The following CKAP5 variants were observed in gnomAD, a reference collection of about 807,000 sequenced individuals.
CKAP5 encodes the protein cytoskeleton-associated protein 5.
In CKAP5, 27 loss-of-function variants were observed where a neutral mutation model predicts 232.8. That is an observed-to-expected ratio of 0.12 (90% CI 0.09 to 0.16). The LOEUF (loss-of-function observed/expected upper bound fraction) is 0.16. Among genes scored for constraint, CKAP5 ranks in the 10% least tolerant of loss-of-function variants. The pLI, the probability that CKAP5 is intolerant of heterozygous loss-of-function variation, is 1.00. For synonymous variants in CKAP5, 785 were observed against 841.1 expected (o/e 0.93, Z 1.16); for missense variants, 1,838 against 2,424.7 (o/e 0.76, Z 5.08).
chr11:46,784,751 C>A, intron 16 of CKAP5, 78 bp from the exon 17 acceptor site: 2 of 1,022,498 alleles, frequency 2.0e-6, no homozygotes, highest in Admixed American at 2.2e-5. Flanking sequence ...CAGCATGTAA[C>A]AGATATGACA....
At chr11:46,786,002 A>T (rs80216121) in intron 16 of CKAP5, among the ~76,000 whole-genome samples, 2,972 of 151,078 alleles carry the variant, frequency 0.02, 97 homozygotes, top group African/African-American at 0.068. Context: ...TTAAAAAATT[A>T]AAAAAAAAAT....
At chr11:46,785,070 A>G (rs1158518985) in intron 16 of CKAP5, among the ~76,000 whole-genome samples, 14 of 152,194 alleles carry the variant, frequency 9.2e-5, no homozygotes, top group Non-Finnish European at 1.9e-4. Flanking sequence ...GCTGCCTACA[A>G]AAACACTACA....
chr11:46,779,422 C>T (rs1173546461), intron 20 of CKAP5, among the ~76,000 whole-genome samples: 1 of 151,940 alleles, frequency 6.6e-6, no homozygotes, highest in African/African-American at 2.4e-5. Context: ...CGTGAGCCAC[C>T]AAGCCCGGCC....
At chr11:46,831,861 CTTTTTTTTT>C (rs71042624) in intron 1 of CKAP5, among the ~76,000 whole-genome samples, 2 of 119,056 alleles carry the variant, frequency 1.7e-5, no homozygotes, top group African/African-American at 6.6e-5. Flanking sequence ...TAAACTTATC[CTTTTTTTTT>C]TTTTTTTTTT....
At chr11:46,784,373 C>T (rs779501035) in intron 17 of CKAP5, 115 bp downstream of exon 17, 2 of 814,952 alleles carry the variant, frequency 2.5e-6, no homozygotes, top group Non-Finnish European at 3.9e-6. Context: ...AAAAAAAATG[C>T]AGTATCAAAA....
At chr11:46,817,036 G>A (rs1307810279) in intron 3 of CKAP5, among the ~76,000 whole-genome samples, 7 of 151,770 alleles carry the variant, frequency 4.6e-5, no homozygotes, top group African/African-American at 1.7e-4. Context: ...AACCTGGGAG[G>A]TGGAGGTTGT....
rs1347001323 is a variant in CKAP5, at chr11:46,790,552, G to A, written c.1682C>T (p.Ala561Val). ...AGGPPKKGKP[A>V]APGGAGNTGT... ...AGTATTCCCTGCGCCTCCTGGTGCA[G>A]CTGGTTTCCCCTTTTTTGGTGGCCC... Residue 561 changes from alanine to valine, a missense_variant, in exon 14 of 44, where the codon GCT (alanine) becomes GTT (valine). This residue lies in a region of CKAP5 where 767 missense variants were observed against 954.6 expected (regional missense o/e 0.80). Transcript: ENST00000529230. The A allele has an allele frequency of 2.5e-6, 4 of 1,613,838 alleles. No individual in the cohort carries two copies. In the African/African-American group the frequency reaches 5.3e-5, roughly 22 times the overall value.
intron 9 of CKAP5, among the ~76,000 whole-genome samples, chr11:46,799,895 G>A (rs537751959): frequency 6.6e-6 from 1 of 152,140 alleles, no homozygotes; most frequent in African/African-American, 2.4e-5. Flanking sequence ...CAGCTACTCA[G>A]GAGACTGAGG....
intron 9 of CKAP5, among the ~76,000 whole-genome samples, chr11:46,798,728 G>A (rs971195260): frequency 1.3e-5 from 2 of 152,128 alleles, no homozygotes; most frequent in African/African-American, 4.8e-5. Flanking sequence ...AATGGGCAAG[G>A]GGTTTCTTTT....
At chr11:46,757,942 T>C (rs1234178454) in intron 35 of CKAP5, among the ~76,000 whole-genome samples, 4 of 145,342 alleles carry the variant, frequency 2.8e-5, no homozygotes, top group Non-Finnish European at 6.0e-5. Context: ...GGCTGGAGTA[T>C]AGTGGTGCAA....
rs1237837761 is a variant in CKAP5, at chr11:46,777,454, G to A, written c.2847C>T (p.Val949=). 3.1e-6 allele frequency: 5 copies of A among 1,607,904 alleles called. No homozygotes were observed. In the East Asian group the frequency reaches 6.7e-5, roughly 22 times the overall value. Residue 949 remains valine (V), a synonymous_variant, in exon 23 of 44, where the codon GTC becomes GTT. Transcript: ENST00000529230. ...VKNLGIPIIT[V]LGDSKNNVRA... ...TTAGGTTTACCTTGCTGTCTCCAAG[G>A]ACTGTGATGATAGGGATGCCTAAAT... is the stretch of plus-strand genomic sequence containing the variant.
At position 46,743,399 on chromosome 11, in the gene CKAP5, T is replaced by C. The variant is rs996788284; in HGVS notation, c.*624A>G. On this transcript the variant is annotated 3_prime_UTR_variant, in exon 44 of 44. Transcript: ENST00000529230. ...CCATTCCAAAGGAATAAAAGACAGC[T>C]CCAAGTCTGTGAGCCAAGAAAAAGG... 4 of 152,844 alleles carry C rather than the reference T, an allele frequency of 2.6e-5. No individual in the cohort carries two copies. The highest frequency in any genetic ancestry group is 9.7e-5 in the African/African-American group (4 of 41,410). The allele number at this position is 152,844 out of a possible 1,614,324, so 9.5% of individuals were successfully genotyped here.
intron 4 of CKAP5, among the ~76,000 whole-genome samples, chr11:46,812,231 T>A (rs1348245941): frequency 6.6e-6 from 1 of 151,958 alleles, no homozygotes; most frequent in East Asian, 1.9e-4. Context: ...CCTGGGAGAC[T>A]GAGGTGGAAG....
chr11:46,829,472 A>C (rs1396307541), intron 1 of CKAP5, among the ~76,000 whole-genome samples: 2 of 152,166 alleles, frequency 1.3e-5, no homozygotes, highest in African/African-American at 2.4e-5. Flanking sequence ...CTGAGCCCAG[A>C]AAGAGTGAGC....
rs758215994 is a variant in CKAP5 at position 46,784,503 on chromosome 11, T to G, written c.2139A>C (p.Pro713=). The change falls in exon 17 of 44, where the codon CCA becomes CCC. Residue 713 remains proline (P), a synonymous_variant. Transcript: ENST00000529230. The stretch of plus-strand genomic sequence containing the variant: ...TGTCACTAACCTGTTCAGCAGTCCA[T>G]GGTAACATACAGGCTTCGGCTATTG... The part of the protein sequence containing the change: ...MTAIAEACML[P]WTAEQVVSMA... 6.2e-7 allele frequency: 1 copy of G among 1,613,938 alleles called. No individual in the cohort carries two copies. Among genetic ancestry groups the G allele is most frequent in the East Asian group, 2.2e-5 (1 of 44,870 alleles).
chr11:46,748,765 T>TCAAAACAAAA (rs375054462), intron 42 of CKAP5, among the ~76,000 whole-genome samples: 1 of 152,014 alleles, frequency 6.6e-6, no homozygotes, highest in Non-Finnish European at 1.5e-5. Context: ...CGAGACTGTC[T>TCAAAACAAAA]CAAAACAAAA....
At chr11:46,792,269 G>A (rs951573928) in intron 13 of CKAP5, among the ~76,000 whole-genome samples, 2 of 151,920 alleles carry the variant, frequency 1.3e-5, no homozygotes, top group African/African-American at 2.4e-5. Context: ...CAGATTTATC[G>A]AGGCTGGGCA....
intron 4 of CKAP5, among the ~76,000 whole-genome samples, chr11:46,812,058 G>A (rs1279730259): frequency 6.6e-6 from 1 of 152,104 alleles, no homozygotes; most frequent in Non-Finnish European, 1.5e-5. Flanking sequence ...TTGGCCAGGC[G>A]CAGTGGCTCA....
intron 24 of CKAP5, among the ~76,000 whole-genome samples, chr11:46,775,505 A>G (rs2065283030): frequency 1.3e-5 from 2 of 152,226 alleles, no homozygotes; most frequent in Non-Finnish European, 2.9e-5. Context: ...TCATTCTACT[A>G]TAAAGACACA....
Sources: gnomAD v4.1 joint callset for allele counts (sites outside exome capture counted in the v4.1 genomes callset) on GRCh38, gnomAD v4.1.1 for gene constraint, gnomAD v4.1.1 regional missense constraint, MANE v1.5 for transcripts, NCBI Gene and HGNC (gene_info 2026-07-23, HGNC 2026-07-21) for gene names.